Variants in WWTR1 observed in about 807,000 individuals in gnomAD.
WWTR1 encodes WW domain containing transcription regulator 1, also known as WW domain-containing transcription regulator protein 1.
WWTR1 carries 13 observed loss-of-function variants against 40.1 expected under a neutral mutation model. The ratio of observed to expected loss-of-function variants is 0.32; its 90% CI spans 0.21 to 0.52. WWTR1 has a LOEUF of 0.52. Ranked by LOEUF, WWTR1 falls within the 20% of genes least tolerant of loss-of-function variation. WWTR1 has a pLI of 0.97. For missense variants in WWTR1, 436 were observed against 523.1 expected (o/e 0.83, Z 1.63); for synonymous variants, 230 against 210.1 (o/e 1.09, Z -0.82).
At chr3:149,713,013 C>G (rs1017652410) in intron 5 of WWTR1, among the ~76,000 whole-genome samples, 1 of 152,172 alleles carries the variant, frequency 6.6e-6, no homozygotes, top group Non-Finnish European at 1.5e-5. Flanking sequence ...TTTCTCTCCA[C>G]CCACACTGTC....
At chr3:149,597,880 C>A (rs1739070481) in intron 2 of WWTR1, among the ~76,000 whole-genome samples, 1 of 152,082 alleles carries the variant, frequency 6.6e-6, no homozygotes, top group African/African-American at 2.4e-5. Flanking sequence ...GAGAGGTCAC[C>A]CTTTGAAAAT....
chr3:149,565,564 T>G (rs1003335079), intron 3 of WWTR1, among the ~76,000 whole-genome samples: 1 of 152,134 alleles, frequency 6.6e-6, no homozygotes, highest in Non-Finnish European at 1.5e-5. Flanking sequence ...GATTTGGTAA[T>G]TTTTTTCAGT....
chr3:149,553,160 C>T (rs1350861092), intron 3 of WWTR1, among the ~76,000 whole-genome samples: 1 of 152,132 alleles, frequency 6.6e-6, no homozygotes, highest in Non-Finnish European at 1.5e-5. Flanking sequence ...AATGCCTCAG[C>T]CCAGATCTCA....
At position 149,520,069 on chromosome 3, in the gene WWTR1, C is replaced by T. The variant is rs893241615; in HGVS notation, c.*736G>A. 1 of 152,110 alleles carries T rather than the reference C, an allele frequency of 6.6e-6. No individual in the cohort carries two copies. Among genetic ancestry groups the T allele is most frequent in the African/African-American group, 2.4e-5 (1 of 41,422 alleles). The allele number at this position is 152,110 out of a possible 1,614,324, so 9.4% of individuals were successfully genotyped here. Reference sequence around the variant, plus strand: ...TAAAATGCTCATAATTAGTACCAAACTGGTCTCTTTCACAAGATCTGTAGT... The same window carrying T: ...TAAAATGCTCATAATTAGTACCAAATTGGTCTCTTTCACAAGATCTGTAGT... On this transcript the variant is annotated 3_prime_UTR_variant, in exon 7 of 7. Coordinates refer to ENST00000360632, the MANE Select transcript of WWTR1 (RefSeq NM_015472.6).
intron 2 of WWTR1, among the ~76,000 whole-genome samples, chr3:149,575,141 C>A (rs888922425): frequency 1.3e-5 from 2 of 152,110 alleles, no homozygotes; most frequent in Non-Finnish European, 2.9e-5. Flanking sequence ...AGATGAAAAT[C>A]ATTTCCCTAA....
At position 149,599,323 on chromosome 3, in the gene WWTR1, T is replaced by C. The variant is rs1739141245; in HGVS notation, c.432-26323A>G. On this transcript the variant is annotated intron_variant, in intron 2 of 6. Transcript: ENST00000360632. ...CCCATGGCAGAAAACACAGAACAAATAACCAGGTTAAACACTGAAGTTCAA... is the reference window on the plus strand; with the variant it reads ...CCCATGGCAGAAAACACAGAACAAACAACCAGGTTAAACACTGAAGTTCAA... 2.6e-5 allele frequency among the ~76,000 whole-genome samples: 4 copies of C among 152,276 alleles called. No individual in the cohort carries two copies. In the South Asian group the frequency reaches 8.3e-4, roughly 32 times the overall value.
chr3:149,543,030 G>A (rs1736193740), intron 3 of WWTR1, among the ~76,000 whole-genome samples: 4 of 152,128 alleles, frequency 2.6e-5, no homozygotes, highest in Admixed American at 2.0e-4. Context: ...ATCAGGAGCC[G>A]ACATATAAGG....
chr3:149,532,284 C>A (rs1735619449), intron 4 of WWTR1, among the ~76,000 whole-genome samples: 1 of 151,824 alleles, frequency 6.6e-6, no homozygotes, highest in Non-Finnish European at 1.5e-5. Flanking sequence ...TCAAAAAAAA[C>A]AAAATAAACA....
rs118177762 is a variant in WWTR1, at chr3:149,616,446, T to C, written c.431+40430A>G. On this transcript the variant is annotated intron_variant, in intron 2 of 6. Coordinates refer to ENST00000360632, the MANE Select transcript of WWTR1 (RefSeq NM_015472.6). ...ATGGCTGTCCTCTCTCTCTCTCTCT[T>C]TTTTTTTTTTTCCGAGGTGGAGTTT... Among the ~76,000 whole-genome samples the C allele has an allele frequency of 0.02, 2,902 of 148,368 alleles. 165 individuals carry two copies. The East Asian group carries it at 0.22, about 11-fold the overall frequency.
chr3:149,626,752 T>A (rs1740562218), intron 2 of WWTR1, among the ~76,000 whole-genome samples: 2 of 152,048 alleles, frequency 1.3e-5, no homozygotes, highest in Non-Finnish European at 2.9e-5. Context: ...CATGGGGTGA[T>A]GAAATACACA....
At chr3:149,696,091 C>T (rs376826322) in intron 1 of WWTR1, among the ~76,000 whole-genome samples, 3 of 113,568 alleles carry the variant, frequency 2.6e-5, no homozygotes, top group African/African-American at 3.6e-5. Flanking sequence ...CCAGCCTGGG[C>T]GACAGAGCGA....
intron 2 of WWTR1, among the ~76,000 whole-genome samples, chr3:149,669,137 C>T (rs1432671459): frequency 1.3e-5 from 2 of 152,138 alleles, no homozygotes; most frequent in African/African-American, 2.4e-5. Context: ...TTTTGTGGAA[C>T]AAGAAATAAG....
At chr3:149,558,698 G>A (rs897132790) in intron 3 of WWTR1, among the ~76,000 whole-genome samples, 8 of 152,084 alleles carry the variant, frequency 5.3e-5, no homozygotes, top group Non-Finnish European at 8.8e-5. Flanking sequence ...CCAAAATCAC[G>A]AAGAAATGCC....
intron 5 of WWTR1, among the ~76,000 whole-genome samples, chr3:149,716,480 C>T (rs915404602): frequency 1.3e-5 from 2 of 152,054 alleles, no homozygotes; most frequent in African/African-American, 2.4e-5. Flanking sequence ...CTTGTCAAAG[C>T]CACAGAAAGA....
intron 4 of WWTR1, among the ~76,000 whole-genome samples, chr3:149,719,173 T>C (rs1715686618): frequency 6.6e-6 from 1 of 150,500 alleles, no homozygotes; most frequent in East Asian, 2.0e-4. Flanking sequence ...TTTCTTTTTT[T>C]TTTTTTCTTT....
intron 2 of WWTR1, among the ~76,000 whole-genome samples, chr3:149,609,347 C>G (rs1739631250): frequency 6.6e-6 from 1 of 152,148 alleles, no homozygotes; most frequent in Non-Finnish European, 1.5e-5. Context: ...ACCTCCCCAC[C>G]TAAGAAATTA....
chr3:149,646,374 C>T (rs549834969), intron 2 of WWTR1, among the ~76,000 whole-genome samples: 1 of 152,286 alleles, frequency 6.6e-6, no homozygotes, highest in Non-Finnish European at 1.5e-5. Flanking sequence ...AGTGACACAC[C>T]CAAACTACCC....
At chr3:149,622,668 T>A (rs1402783708) in intron 2 of WWTR1, among the ~76,000 whole-genome samples, 1 of 152,036 alleles carries the variant, frequency 6.6e-6, no homozygotes, top group African/African-American at 2.4e-5. Context: ...CTGGACAACA[T>A]GGCGAAAACC....
At chr3:149,586,009 A>T (rs1423784397) in intron 2 of WWTR1, among the ~76,000 whole-genome samples, 1 of 152,204 alleles carries the variant, frequency 6.6e-6, no homozygotes, top group Admixed American at 6.5e-5. Context: ...AACAGTAAGT[A>T]TCTTTGTACC....
Sources: allele counts gnomAD v4.1 joint callset (sites outside exome capture counted in the v4.1 genomes callset), GRCh38; gene constraint gnomAD v4.1.1; transcripts MANE v1.5; gene names NCBI Gene and HGNC (gene_info 2026-07-23, HGNC 2026-07-21).